FAM200A: variants seen among roughly 807,000 people sequenced by gnomAD.
FAM200A encodes protein FAM200A.
Under a neutral mutation model 44.2 loss-of-function variants are expected in FAM200A, and 26 were observed. The observed-to-expected ratio is 0.59, with a 90% confidence interval of 0.43 to 0.82. The LOEUF (loss-of-function observed/expected upper bound fraction) is 0.82, where lower values mean the gene tolerates loss of function less well. Among genes scored for constraint, FAM200A ranks in the 40% least tolerant of loss-of-function variants. The pLI is 0.00. For missense variants in FAM200A, 606 were observed against 669.5 expected (o/e 0.91, Z 1.05); for synonymous variants, 206 against 244.4 (o/e 0.84, Z 1.47).
At chr7:99,553,816 C>G (rs79218720), upstream of FAM200A, among the ~76,000 whole-genome samples, 3 of 152,344 alleles carry the variant, frequency 2.0e-5, no homozygotes, top group East Asian at 5.8e-4. Context: ...CTTCAACAGG[C>G]CATTCCAAAA....
At chr7:99,553,957 G>C (rs1016546533), upstream of FAM200A, among the ~76,000 whole-genome samples, 1 of 152,202 alleles carries the variant, frequency 6.6e-6, no homozygotes, top group Non-Finnish European at 1.5e-5. Flanking sequence ...AAGGCACCCT[G>C]TAAGCTCTCA....
intron 1 of FAM200A, among the ~76,000 whole-genome samples, chr7:99,550,843 G>C (rs1342057191): frequency 2.0e-5 from 3 of 152,172 alleles, no homozygotes; most frequent in Non-Finnish European, 2.9e-5. Context: ...GGGAGGCCGA[G>C]GCGGGCGGAT....
In FAM200A at chr7:99,548,363, A is replaced by AC. The variant is rs1349667427; in HGVS notation, c.44dup (p.Thr16TyrfsTer17). ...TCACGATGCCTTCCATCTCCTGGGT[A>AC]CCCCCTGGAGACAAATCTGTAGTAT... On this transcript the variant is annotated frameshift_variant, in exon 2 of 2. Coordinates refer to ENST00000449309, the MANE Select transcript of FAM200A (RefSeq NM_145111.4). LOFTEE classifies it high-confidence loss of function. 2.5e-6 allele frequency: 4 copies of AC among 1,613,720 alleles called. No homozygotes were observed. The highest frequency in any genetic ancestry group is 2.7e-5 in the African/African-American group (2 of 74,808).
chr7:99,554,961 GT>G (rs969541246), upstream of FAM200A, among the ~76,000 whole-genome samples: 1 of 152,118 alleles, frequency 6.6e-6, no homozygotes, highest in Non-Finnish European at 1.5e-5. Flanking sequence ...CGTGGGTTTT[GT>G]TTTTTTGCCT....
chr7:99,547,504 G>C lies in FAM200A; in HGVS notation c.904C>G (p.Arg302Gly). The C allele has an allele frequency of 6.5e-7, 1 of 1,549,386 alleles. No individual in the cohort carries two copies. The highest frequency in any genetic ancestry group is 8.7e-7 in the Non-Finnish European group (1 of 1,145,794). Reference sequence around the variant, plus strand: ...AATACTTTTCCTTGAGAAAGCCAACGAACTTCTGTATGAAACAATAAGTGG... The same window carrying C: ...AATACTTTTCCTTGAGAAAGCCAACCAACTTCTGTATGAAACAATAAGTGG... ...HTHLLFHTEV[R>G]WLSQGKVLSR... The change falls in exon 2 of 2, where the codon CGT becomes GGT. Residue 302 changes from arginine to glycine, a missense_variant. Arg to Gly is a moderately radical substitution (Grantham distance 125). Transcript: ENST00000449309.
chr7:99,550,288 T>A (rs1188191806), intron 1 of FAM200A, among the ~76,000 whole-genome samples: 1 of 152,042 alleles, frequency 6.6e-6, no homozygotes, highest in Admixed American at 6.6e-5. Flanking sequence ...TTTTTGTCTT[T>A]TTAGTAGATA....
upstream of FAM200A, among the ~76,000 whole-genome samples, chr7:99,555,622 A>T (rs1055134987): frequency 2.0e-5 from 3 of 152,182 alleles, no homozygotes; most frequent in African/African-American, 7.2e-5. Flanking sequence ...TAAAAAGTGG[A>T]AGCTGGCCAG....
chr7:99,557,026 A>G (rs1156625375), upstream of FAM200A, among the ~76,000 whole-genome samples: 1 of 152,170 alleles, frequency 6.6e-6, no homozygotes, highest in Non-Finnish European at 1.5e-5. Flanking sequence ...ACAGAGCAAG[A>G]CTCTGTCTCA....
In FAM200A at chr7:99,546,622, CTGCT is replaced by C. The variant is rs1275669375; in HGVS notation, c.*60_*63del. 4.2e-6 allele frequency: 6 copies of C among 1,432,574 alleles called. No homozygotes were observed. Among genetic ancestry groups the C allele is most frequent in the Non-Finnish European group, 4.6e-6 (5 of 1,095,504 alleles). 88.7% of individuals were successfully genotyped at this position (1,432,574 alleles called of 1,614,324 possible). A position where few individuals can be genotyped will look rare whatever the true frequency, so the allele number is the denominator to read the frequency against. On this transcript the variant is annotated 3_prime_UTR_variant, in exon 2 of 2. Transcript: ENST00000449309. ...GTGATCTGCCCACCTCGGTCTCCCA[CTGCT>C]GGGATTACAGGCGTAAGCCACCACA...
chr7:99,549,201 A>T (rs2151129485), intron 1 of FAM200A, among the ~76,000 whole-genome samples: 1 of 145,586 alleles, frequency 6.9e-6, no homozygotes, highest in East Asian at 2.4e-4. Flanking sequence ...TAAGCTGCAT[A>T]ATTATTCAGT....
At chr7:99,556,509 CT>C (rs1168673467), upstream of FAM200A, among the ~76,000 whole-genome samples, 6 of 152,018 alleles carry the variant, frequency 3.9e-5, no homozygotes, top group Non-Finnish European at 7.4e-5. Context: ...TATTTCTGGA[CT>C]TTTTTTTCTT....
chr7:99,557,498 T>A (rs1802728759), intron 1 of FAM200A, among the ~76,000 whole-genome samples: 1 of 152,232 alleles, frequency 6.6e-6, no homozygotes, highest in African/African-American at 2.4e-5. Flanking sequence ...TAGATAGACA[T>A]CACCAGGGGT....
At chr7:99,552,161 T>C (rs1802552201), upstream of FAM200A, 1 of 985,450 alleles carries the variant, frequency 1.0e-6, no homozygotes, top group Non-Finnish European at 1.2e-6. Flanking sequence ...TGCGCTCCGC[T>C]TCGGGGTCCT....
Position 99,548,708 on chromosome 7 carries a change from T to C in FAM200A, c.-99-202A>G, listed in dbSNP as rs559681412. Among the ~76,000 whole-genome samples the C allele has an allele frequency of 1.6e-4, 25 of 152,026 alleles. No individual in the cohort carries two copies. The South Asian group carries it at 5.0e-3, about 30-fold the overall frequency. ...TAATACCCAGGGAAACCTAATGAGG[T>C]TCACATAATTACTATTCTTATATTA... On this transcript the variant is annotated intron_variant, in intron 1 of 1. Coordinates refer to ENST00000449309, the MANE Select transcript of FAM200A (RefSeq NM_145111.4).
Position 99,547,557 on chromosome 7 carries a change from A to C in FAM200A, c.851T>G (p.Phe284Cys). ...SSLNSRLLEI[F>C]CSEIGVNHTH... The stretch of plus-strand genomic sequence containing the variant: ...GTGGTTCACTCCAATCTCTGAACAA[A>C]ATATTTCGAGAAGTCGGCTATTCAG... The change falls in exon 2 of 2, where the codon TTT becomes TGT. Residue 284 changes from phenylalanine (F) to cysteine (C), a missense_variant. Coordinates refer to ENST00000449309, the MANE Select transcript of FAM200A (RefSeq NM_145111.4). 1 of 1,550,974 alleles carries C rather than the reference A, an allele frequency of 6.4e-7. No individual in the cohort carries two copies.
At chr7:99,553,143 A>G (rs1349842012), upstream of FAM200A, among the ~76,000 whole-genome samples, 1 of 131,090 alleles carries the variant, frequency 7.6e-6, no homozygotes, top group East Asian at 2.3e-4. Context: ...GTCAAATCCA[A>G]TCTTTGCTCC....
upstream of FAM200A, among the ~76,000 whole-genome samples, chr7:99,554,952 G>A (rs1279415859): frequency 3.3e-5 from 5 of 152,166 alleles, no homozygotes; most frequent in South Asian, 6.2e-4. Flanking sequence ...GTTTGGAAAC[G>A]TGGGTTTTGT....
Position 99,548,139 on chromosome 7 carries a change from A to T in FAM200A, c.269T>A (p.Met90Lys), listed in dbSNP as rs1413977576. The T allele has an allele frequency of 1.3e-6, 2 of 1,551,724 alleles. No individual in the cohort carries two copies. The highest frequency in any genetic ancestry group is 2.7e-5 in the African/African-American group (2 of 73,058). ...AAEKIILPAC[M>K]DMVRTIFDDK... ...ATCAAAAATTGTCCGTACCATGTCC[A>T]TACATGCTGGAAGGATAATTTTTTC... Residue 90 changes from methionine (M) to lysine (K), a missense_variant, in exon 2 of 2, where the codon ATG becomes AAG. Physicochemically the swap from Met to Lys is moderately conservative, Grantham distance 95. Coordinates refer to ENST00000449309, the MANE Select transcript of FAM200A (RefSeq NM_145111.4).
chr7:99,555,249 T>C (rs1338993885), upstream of FAM200A, among the ~76,000 whole-genome samples: 5 of 152,154 alleles, frequency 3.3e-5, no homozygotes, highest in African/African-American at 1.2e-4. Context: ...CAAATGAAGA[T>C]GAGGGTAAAG....
Sources: allele counts gnomAD v4.1 joint callset (sites outside exome capture counted in the v4.1 genomes callset), GRCh38; gene constraint gnomAD v4.1.1; transcripts MANE v1.5; gene names NCBI Gene and HGNC (gene_info 2026-07-23, HGNC 2026-07-21).